Variants in COL22A1 observed in about 807,000 individuals in gnomAD.
COL22A1 encodes collagen alpha-1(XXII) chain.
A neutral mutation model predicts 248.9 loss-of-function variants in COL22A1; 221 were observed. That is an observed-to-expected ratio of 0.89 (90% CI 0.80 to 0.99). The LOEUF (loss-of-function observed/expected upper bound fraction) is 0.99. Among genes scored for constraint, COL22A1 ranks in the 50% least tolerant of loss-of-function variants. The pLI, the probability that COL22A1 is intolerant of heterozygous loss-of-function variation, is 0.00. For synonymous variants in COL22A1, 891 were observed against 793.4 expected (o/e 1.12, Z -2.07); for missense variants, 2,240 against 2,179.0 (o/e 1.03, Z -0.56).
intron 35 of COL22A1, among the ~76,000 whole-genome samples, chr8:138,691,912 ATGTGTGCATGTTTGTGGAGG>A (rs1826991225): frequency 6.4e-4 from 7 of 10,974 alleles, no homozygotes; most frequent in African/African-American, 1.7e-3. Context: ...GTGCACGTGC[ATGTGTGCATGTTTGTGGAGG>A]TGTGTGTACG....
chr8:138,765,186 G>A (rs1273257034), intron 16 of COL22A1, among the ~76,000 whole-genome samples: 9 of 152,144 alleles, frequency 5.9e-5, no homozygotes, highest in Non-Finnish European at 1.0e-4. Flanking sequence ...TGCTGGCACT[G>A]GCGCCAGAAC....
chr8:138,802,840 T>A, intron 11 of COL22A1, 32 bp downstream of exon 11: 1 of 1,588,484 alleles, frequency 6.3e-7, no homozygotes, highest in Non-Finnish European at 8.6e-7. Flanking sequence ...GCCCTGAGGT[T>A]CAGCCATGTA....
At chr8:138,699,859 C>T (rs76740627) in intron 32 of COL22A1, among the ~76,000 whole-genome samples, 1 of 152,254 alleles carries the variant, frequency 6.6e-6, no homozygotes, top group African/African-American at 2.4e-5. Flanking sequence ...CCCAGAGATG[C>T]CTGGCCTTTG....
chr8:138,691,349 A>G (rs907172723), intron 35 of COL22A1, among the ~76,000 whole-genome samples: 3 of 147,446 alleles, frequency 2.0e-5, no homozygotes, highest in African/African-American at 7.6e-5. Flanking sequence ...GCGTGTGTGC[A>G]CGTTTGTGGA....
At chr8:138,676,723 C>A (rs1825588232) in intron 40 of COL22A1, 88 bp from the exon 41 acceptor site, 1 of 1,021,894 alleles carries the variant, frequency 9.8e-7, no homozygotes, top group South Asian at 1.5e-5. Flanking sequence ...CTTCTAGAAT[C>A]CTGACTGCAG....
At chr8:138,908,827 G>A (rs1815217009) in intron 1 of COL22A1, among the ~76,000 whole-genome samples, 1 of 152,182 alleles carries the variant, frequency 6.6e-6, no homozygotes, top group Non-Finnish European at 1.5e-5. Flanking sequence ...GATAGAATAA[G>A]ATCAGACAGA....
intron 16 of COL22A1, among the ~76,000 whole-genome samples, chr8:138,772,681 A>G (rs1834476918): frequency 6.6e-6 from 1 of 152,144 alleles, no homozygotes; most frequent in African/African-American, 2.4e-5. Context: ...CTGGCACATT[A>G]AAGAAAATAA....
intron 64 of COL22A1, 110 bp downstream of exon 64, chr8:138,591,314 C>G: frequency 1.7e-6 from 1 of 581,698 alleles, no homozygotes; most frequent in Non-Finnish European, 2.8e-6. Context: ...ATCTGTAGAG[C>G]CTAAGCCCTC....
intron 12 of COL22A1, among the ~76,000 whole-genome samples, chr8:138,782,109 TTCTG>T (rs1337197426): frequency 1.3e-5 from 2 of 152,260 alleles, no homozygotes; most frequent in East Asian, 1.9e-4. Context: ...GGCCTCAACA[TTCTG>T]TCTGACATAA....
chr8:138,866,832 T>G (rs1277566798), intron 3 of COL22A1, among the ~76,000 whole-genome samples: 2 of 151,392 alleles, frequency 1.3e-5, no homozygotes, highest in Non-Finnish European at 2.9e-5. Flanking sequence ...GGCAGGGGAA[T>G]ATCTTTCATT....
chr8:138,907,337 C>G (rs1481570358), intron 1 of COL22A1, among the ~76,000 whole-genome samples: 2 of 152,164 alleles, frequency 1.3e-5, no homozygotes, highest in African/African-American at 4.8e-5. Context: ...CAGTGTCTAG[C>G]AAATTCAGGC....
intron 16 of COL22A1, among the ~76,000 whole-genome samples, chr8:138,771,729 C>T (rs1199271613): frequency 1.3e-5 from 2 of 152,184 alleles, no homozygotes; most frequent in Non-Finnish European, 2.9e-5. Context: ...GACGCTGTTC[C>T]TGTTATCCAC....
At chr8:138,801,059 C>A (rs1331107229) in intron 11 of COL22A1, among the ~76,000 whole-genome samples, 6 of 152,194 alleles carry the variant, frequency 3.9e-5, no homozygotes, top group Non-Finnish European at 8.8e-5. Flanking sequence ...GCCAGCAGTG[C>A]AGTGAGTGCT....
chr8:138,660,107 AG>A (rs35417400), intron 44 of COL22A1, among the ~76,000 whole-genome samples: 4,202 of 152,256 alleles, frequency 0.028, 75 homozygotes, highest in Middle Eastern at 0.068. Flanking sequence ...AGGCACTGTT[AG>A]GAAACTGGAG....
rs547248691 is a variant in COL22A1 at position 138,878,430 on chromosome 8, GTC to G, written c.92-116_92-115del. 1.3e-3 allele frequency: 1,174 copies of G among 915,812 alleles called. 12 individuals carry two copies. The African/African-American group carries it at 0.018, about 14-fold the overall frequency. 56.7% of individuals were successfully genotyped at this position (915,812 alleles called of 1,614,324 possible). A position where few individuals can be genotyped will look rare whatever the true frequency, so the allele number is the denominator to read the frequency against. ...ACCTGCTCAAATACCTACCTGCCCT[GTC>G]TCTCATGACCCAAGGGCCCTGGGCT... On this transcript the variant is annotated intron_variant, in intron 2 of 64. Transcript: ENST00000303045.
intron 7 of COL22A1, among the ~76,000 whole-genome samples, chr8:138,815,330 G>A (rs1276889964): frequency 6.6e-6 from 1 of 152,170 alleles, no homozygotes. Context: ...GGACTTCCGA[G>A]AGCAAGGACC....
At chr8:138,709,187 G>C (rs1436350240) in intron 30 of COL22A1, among the ~76,000 whole-genome samples, 2 of 152,284 alleles carry the variant, frequency 1.3e-5, no homozygotes, top group East Asian at 3.9e-4. Context: ...TACACTGTTG[G>C]TGGGACTGTA....
chr8:138,720,819 C>T (rs11774914), intron 26 of COL22A1, 27 bp from the exon 27 acceptor site: 304,220 of 1,581,730 alleles, frequency 0.19, 30,818 homozygotes, highest in South Asian at 0.21. Flanking sequence ...GCAAAGTTAA[C>T]AGGAGACGGG....
At chr8:138,615,893 T>C in intron 55 of COL22A1, 108 bp downstream of exon 55, 1 of 786,692 alleles carries the variant, frequency 1.3e-6, no homozygotes. Context: ...TCTGTGTGCC[T>C]CTTGGCAGTG....
Sources: gnomAD v4.1 joint callset for allele counts (sites outside exome capture counted in the v4.1 genomes callset) on GRCh38, gnomAD v4.1.1 for gene constraint, MANE v1.5 for transcripts, NCBI Gene and HGNC (gene_info 2026-07-23, HGNC 2026-07-21) for gene names.